Variants in MAP4K3 observed in about 807,000 individuals in gnomAD.
MAP4K3 encodes MAPK/ERK kinase kinase kinase 3.
Under a neutral mutation model 143.5 loss-of-function variants are expected in MAP4K3, and 94 were observed. That is an observed-to-expected ratio of 0.65 (90% CI 0.55 to 0.78). The LOEUF (loss-of-function observed/expected upper bound fraction) is 0.78. Ranked by LOEUF, MAP4K3 falls within the 30% of genes least tolerant of loss-of-function variation. The pLI is 0.00. For synonymous variants in MAP4K3, 416 were observed against 347.2 expected (o/e 1.20, Z -2.20); for missense variants, 1,077 against 1,068.1 (o/e 1.01, Z -0.12).
At chr2:39,328,641 C>A (rs1683580191) in intron 8 of MAP4K3, among the ~76,000 whole-genome samples, 2 of 152,096 alleles carry the variant, frequency 1.3e-5, no homozygotes. Flanking sequence ...TGGTTTCTTA[C>A]CACCACAGCA....
chr2:39,434,890 C>G (rs1367867933), intron 1 of MAP4K3, among the ~76,000 whole-genome samples: 1 of 152,178 alleles, frequency 6.6e-6, no homozygotes, highest in Non-Finnish European at 1.5e-5. Flanking sequence ...AAACGAATGA[C>G]AAGATTAACC....
At chr2:39,390,226 AT>A (rs1666615120) in intron 1 of MAP4K3, among the ~76,000 whole-genome samples, 1 of 152,202 alleles carries the variant, frequency 6.6e-6, no homozygotes, top group Non-Finnish European at 1.5e-5. Flanking sequence ...GGACCCAATG[AT>A]TTTTAAAGTC....
intron 8 of MAP4K3, among the ~76,000 whole-genome samples, chr2:39,328,289 C>T (rs929097380): frequency 2.6e-5 from 4 of 152,100 alleles, no homozygotes; most frequent in African/African-American, 4.8e-5. Context: ...TGAGATCACA[C>T]GACTGCACTT....
chr2:39,284,935 G>A (rs1681703284), intron 21 of MAP4K3, among the ~76,000 whole-genome samples: 1 of 151,980 alleles, frequency 6.6e-6, no homozygotes, highest in South Asian at 2.1e-4. Context: ...CTGTCACCCA[G>A]GCTGGAGTGC....
chr2:39,256,032 G>A (rs1248592352), intron 31 of MAP4K3, among the ~76,000 whole-genome samples: 1 of 152,070 alleles, frequency 6.6e-6, no homozygotes, highest in Non-Finnish European at 1.5e-5. Context: ...CCTAGATAAT[G>A]ATCTTAAAAA....
chr2:39,414,751 T>C (rs1667324280), intron 1 of MAP4K3, among the ~76,000 whole-genome samples: 1 of 152,066 alleles, frequency 6.6e-6, no homozygotes, highest in African/African-American at 2.4e-5. Flanking sequence ...GGCACATGCA[T>C]GTAGTCCCAG....
chr2:39,260,173 G>A (rs771880709), intron 29 of MAP4K3, among the ~76,000 whole-genome samples: 1 of 152,162 alleles, frequency 6.6e-6, no homozygotes, highest in Non-Finnish European at 1.5e-5. Flanking sequence ...GAGTACAATG[G>A]TGCGAACATG....
At chr2:39,327,606 G>A (rs1683537924) in intron 8 of MAP4K3, among the ~76,000 whole-genome samples, 1 of 152,136 alleles carries the variant, frequency 6.6e-6, no homozygotes, top group African/African-American at 2.4e-5. Flanking sequence ...TATGATTTCA[G>A]GAAGGTCAAG....
At chr2:39,430,201 G>A (rs1309890586) in intron 1 of MAP4K3, among the ~76,000 whole-genome samples, 1 of 152,196 alleles carries the variant, frequency 6.6e-6, no homozygotes, top group Non-Finnish European at 1.5e-5. Context: ...AGGCGATGAA[G>A]AGGAGATTCT....
rs1448362667 is a variant in MAP4K3 at position 39,293,285 on chromosome 2, AAAAC to A, written c.1179-21_1179-18del. 6.9e-7 allele frequency: 1 copy of A among 1,448,882 alleles called. No homozygotes were observed. Among genetic ancestry groups the A allele is most frequent in the Middle Eastern group, 1.8e-4 (1 of 5,470 alleles). 89.8% of individuals were successfully genotyped at this position (1,448,882 alleles called of 1,614,324 possible). A position where few individuals can be genotyped will look rare whatever the true frequency, so the allele number is the denominator to read the frequency against. On this transcript the variant is annotated intron_variant, in intron 16 of 33. Coordinates refer to ENST00000263881, the MANE Select transcript of MAP4K3 (RefSeq NM_003618.4). ...AGAAGACTCCTTAAAAGAAAAAACA[AAAAC>A]AAAAAATAATGTGAATAAATTATCA...
At chr2:39,376,419 T>C (rs985664837) in intron 2 of MAP4K3, among the ~76,000 whole-genome samples, 2 of 152,228 alleles carry the variant, frequency 1.3e-5, no homozygotes, top group African/African-American at 2.4e-5. Context: ...TTTTATTACA[T>C]TGATCAATAT....
chr2:39,288,689 T>C lies in MAP4K3; in HGVS notation c.1315-409A>G, dbSNP rs1453835483. ...ATCAAGGCTAATCTAAGCTGTCTCT[T>C]AGATGACTCAATGTCTTTATGGTAA... On this transcript the variant is annotated intron_variant, in intron 19 of 33. Coordinates refer to ENST00000263881, the MANE Select transcript of MAP4K3 (RefSeq NM_003618.4). Among the ~76,000 whole-genome samples, 9 of 152,334 alleles carry C rather than the reference T, an allele frequency of 5.9e-5. No individual in the cohort carries two copies. In the East Asian group the frequency reaches 1.3e-3, roughly 23 times the overall value.
chr2:39,283,940 CTA>C (rs1332274042), intron 21 of MAP4K3: 1 of 152,074 alleles, frequency 6.6e-6, no homozygotes, highest in Non-Finnish European at 1.5e-5. Flanking sequence ...AATAAAAAAG[CTA>C]CTGTTAATTG....
At position 39,437,141 on chromosome 2, in the gene MAP4K3, T is replaced by A; in HGVS notation, c.-154A>T. 2.3e-6 allele frequency: 1 copy of A among 444,224 alleles called. No homozygotes were observed. Among genetic ancestry groups the A allele is most frequent in the Non-Finnish European group, 3.8e-6 (1 of 261,336 alleles). 27.5% of individuals were successfully genotyped at this position (444,224 alleles called of 1,614,324 possible). A position where few individuals can be genotyped will look rare whatever the true frequency, so the allele number is the denominator to read the frequency against. On this transcript the variant is annotated 5_prime_UTR_variant, in exon 1 of 34. Coordinates refer to ENST00000263881, the MANE Select transcript of MAP4K3 (RefSeq NM_003618.4). ...CTGCGGCCGCCGCCGCCGCCGCCGCTCCCCTCACGCCGCTGCGGACGACGA... is the reference window on the plus strand; with the variant it reads ...CTGCGGCCGCCGCCGCCGCCGCCGCACCCCTCACGCCGCTGCGGACGACGA...
At chr2:39,349,881 G>A (rs1286833744) in intron 3 of MAP4K3, among the ~76,000 whole-genome samples, 1 of 152,056 alleles carries the variant, frequency 6.6e-6, no homozygotes, top group African/African-American at 2.4e-5. Context: ...GTATCCCTCA[G>A]AACTAATGAT....
intron 1 of MAP4K3, among the ~76,000 whole-genome samples, chr2:39,402,296 CT>C (rs1666972787): frequency 6.6e-6 from 1 of 152,060 alleles, no homozygotes; most frequent in Admixed American, 6.5e-5. Context: ...TGTGGGATAA[CT>C]TCAAGTAGAC....
chr2:39,287,528 C>G (rs1681847635), intron 20 of MAP4K3, among the ~76,000 whole-genome samples: 2 of 152,028 alleles, frequency 1.3e-5, no homozygotes, highest in African/African-American at 4.8e-5. Context: ...GTCTCAAACT[C>G]TTGACCTCAG....
chr2:39,258,462 A>G lies in MAP4K3; in HGVS notation c.2378-22T>C, dbSNP rs762753807. On this transcript the variant is annotated intron_variant, in intron 30 of 33. Coordinates refer to ENST00000263881, the MANE Select transcript of MAP4K3 (RefSeq NM_003618.4). Reference sequence around the variant, plus strand: ...CAACCTAGAGGAAAAAAAGTCACTCAGAAACTAAGATAAAAGAAGTCTTAT... The same window carrying G: ...CAACCTAGAGGAAAAAAAGTCACTCGGAAACTAAGATAAAAGAAGTCTTAT... 2.1e-5 allele frequency: 33 copies of G among 1,601,716 alleles called. 1 individual carries two copies. The East Asian group carries it at 7.1e-4, about 35-fold the overall frequency.
In MAP4K3 at chr2:39,427,997, C is replaced by T. The variant is rs571528434; in HGVS notation, c.96+8895G>A. On this transcript the variant is annotated intron_variant, in intron 1 of 33. Transcript: ENST00000263881. ...GTATGACTTCACAGTTCTCCACAATCGCAAATACAATTTTTCTTCAAGTCC... is the reference window on the plus strand; with the variant it reads ...GTATGACTTCACAGTTCTCCACAATTGCAAATACAATTTTTCTTCAAGTCC... Among the ~76,000 whole-genome samples, 4 of 152,150 alleles carry T rather than the reference C, an allele frequency of 2.6e-5. 1 individual carries two copies. In the South Asian group the frequency reaches 8.3e-4, roughly 31 times the overall value.
Sources: gnomAD v4.1 joint callset for allele counts (sites outside exome capture counted in the v4.1 genomes callset) on GRCh38, gnomAD v4.1.1 for gene constraint, MANE v1.5 for transcripts, NCBI Gene and HGNC (gene_info 2026-07-23, HGNC 2026-07-21) for gene names.